The following PKHD1 variants were observed in gnomAD, a reference collection of about 807,000 sequenced individuals.
The protein encoded by PKHD1 is PKHD1 ciliary IPT domain containing fibrocystin/polyductin.
Under a neutral mutation model 412.0 loss-of-function variants are expected in PKHD1, and 291 were observed. The ratio of observed to expected loss-of-function variants is 0.71; its 90% CI spans 0.64 to 0.78. PKHD1 has a LOEUF of 0.78. PKHD1 is among the 30% of genes least tolerant of loss of function. The pLI is 0.00. For synonymous variants in PKHD1, 1,777 were observed against 1,821.5 expected, an observed-to-expected ratio of 0.98 and a Z score of 0.62; for missense variants, 4,825 against 4,950.7, an observed-to-expected ratio of 0.97 and a Z score of 0.76.
At position 52,071,026 on chromosome 6, in the gene PKHD1, T is replaced by C. The variant is rs764588177; in HGVS notation, c.647A>G (p.His216Arg). ...EDHGLGTLQC[H>R]VEGDYIGSQN... ...CAGACCGATGTAGTCGCCTTCCACA[T>C]GGCACTGCAGAGTCCCAAGACCATG... Residue 216 changes from histidine (H) to arginine (R), a missense_variant, in exon 9 of 67, where the codon CAT becomes CGT. Transcript: ENST00000371117. 6.2e-7 allele frequency: 1 copy of C among 1,604,612 alleles called. No individual in the cohort carries two copies.
intron 52 of PKHD1, among the ~76,000 whole-genome samples, chr6:51,801,639 T>TTGTGTGTGTG (rs140197286): frequency 1.5e-4 from 18 of 120,206 alleles, no homozygotes; most frequent in Admixed American, 5.8e-4. Context: ...GCTGGCCTGA[T>TTGTGTGTGTG]TGTGTGTGTG....
intron 35 of PKHD1, among the ~76,000 whole-genome samples, chr6:51,982,252 G>A (rs1264147143): frequency 6.8e-5 from 3 of 44,418 alleles, no homozygotes; most frequent in Non-Finnish European, 1.9e-4. Flanking sequence ...CTGCCCAGCC[G>A]CCCCTACTGG....
rs139192604 is a variant in PKHD1 at position 51,931,128 on chromosome 6, G to C, written c.6121+2982C>G. Among the ~76,000 whole-genome samples, 26 of 152,224 alleles carry C rather than the reference G, an allele frequency of 1.7e-4. 1 individual carries two copies. Among genetic ancestry groups the C allele is most frequent in the Non-Finnish European group, 2.9e-4 (20 of 68,010 alleles). On this transcript the variant is annotated intron_variant, in intron 37 of 66. Coordinates refer to ENST00000371117, the MANE Select transcript of PKHD1 (RefSeq NM_138694.4). The stretch of plus-strand genomic sequence containing the variant: ...CTGGGCCCATTTCTGATTCCAATTT[G>C]ATTAACCACTTGAACCAGTGTTTCT...
intron 28 of PKHD1, 41 bp downstream of exon 28, chr6:52,035,550 A>G: frequency 6.3e-7 from 1 of 1,584,728 alleles, no homozygotes; most frequent in Non-Finnish European, 8.7e-7. Flanking sequence ...AACAGTGGTC[A>G]CTCACCCAGA....
chr6:51,958,597 C>G (rs1791521191), intron 36 of PKHD1, among the ~76,000 whole-genome samples: 1 of 152,066 alleles, frequency 6.6e-6, no homozygotes, highest in African/African-American at 2.4e-5. Context: ...AAACTTCTCC[C>G]AAATGGTAGT....
At chr6:51,909,520 T>C in intron 39 of PKHD1, 46 bp from the exon 40 acceptor site, 1 of 1,455,998 alleles carries the variant, frequency 6.9e-7, no homozygotes, top group Non-Finnish European at 9.6e-7. Flanking sequence ...ATGTAGAACA[T>C]GCTTCCAGAC....
At chr6:51,912,036 A>C in intron 38 of PKHD1, 80 bp from the exon 39 acceptor site, 1 of 1,110,236 alleles carries the variant, frequency 9.0e-7, no homozygotes, top group Non-Finnish European at 1.3e-6. Context: ...AGATTAACAT[A>C]ATTCTTCCTT....
intron 66 of PKHD1, among the ~76,000 whole-genome samples, chr6:51,626,676 G>A (rs1202326885): frequency 6.6e-6 from 1 of 152,164 alleles, no homozygotes; most frequent in Non-Finnish European, 1.5e-5. Flanking sequence ...CAAATTGGCA[G>A]CTTTGCAATA....
intron 36 of PKHD1, among the ~76,000 whole-genome samples, chr6:51,949,698 C>A (rs1002828148): frequency 1.3e-5 from 2 of 152,130 alleles, no homozygotes; most frequent in Non-Finnish European, 2.9e-5. Flanking sequence ...ATAATCCTAT[C>A]CACTAGCAGC....
At chr6:51,767,199 TCATATTAGAGG>T (rs373525451) in intron 55 of PKHD1, among the ~76,000 whole-genome samples, 335 of 152,136 alleles carry the variant, frequency 2.2e-3, no homozygotes, top group Middle Eastern at 6.8e-3. Flanking sequence ...AACAGATTAC[TCATATTAGAGG>T]CATACATTTA....
intron 53 of PKHD1, among the ~76,000 whole-genome samples, chr6:51,785,927 T>C (rs1642456367): frequency 6.6e-6 from 1 of 152,228 alleles, no homozygotes; most frequent in African/African-American, 2.4e-5. Context: ...CTTAGATCTT[T>C]CACTGAAATC....
At chr6:51,932,403 C>T (rs1017022884) in intron 37 of PKHD1, among the ~76,000 whole-genome samples, 1 of 152,190 alleles carries the variant, frequency 6.6e-6, no homozygotes, top group African/African-American at 2.4e-5. Context: ...GCTGTGCTAT[C>T]TGCATCATAC....
At position 51,981,369 on chromosome 6, in the gene PKHD1, C is replaced by A. The variant is rs1231257732; in HGVS notation, c.5752-21343G>T. Among the ~76,000 whole-genome samples, 84 of 120,582 alleles carry A rather than the reference C, an allele frequency of 7.0e-4. 2 individuals are homozygous for A. Among genetic ancestry groups the A allele is most frequent in the African/African-American group, 2.4e-3 (81 of 34,450 alleles). The allele number at this position is 120,582 out of a possible 152,430, so 79.1% of individuals were successfully genotyped here. ...TCCCTCTCCCTCTCCCTCTCCCTCT[C>A]CCTCCACGGTCTCCCTCTGATGCCG... On this transcript the variant is annotated intron_variant, in intron 35 of 66. Coordinates refer to ENST00000371117, the MANE Select transcript of PKHD1 (RefSeq NM_138694.4).
rs749387700 is a variant in PKHD1 at position 51,912,588 on chromosome 6, C to T, written c.6122-12G>A. The T allele has an allele frequency of 1.3e-6, 2 of 1,577,360 alleles. No individual in the cohort carries two copies. Among genetic ancestry groups the T allele is most frequent in the African/African-American group, 1.3e-5 (1 of 74,118 alleles). ...TTCTGGTAGTGAACCTAAAGCAGCCCGAGGAAAAGTTGTCCAGATAATTTA... is the reference window on the plus strand; with the variant it reads ...TTCTGGTAGTGAACCTAAAGCAGCCTGAGGAAAAGTTGTCCAGATAATTTA... On this transcript the variant is annotated splice_polypyrimidine_tract_variant and intron_variant, in intron 37 of 66. Transcript: ENST00000371117.
intron 63 of PKHD1, among the ~76,000 whole-genome samples, chr6:51,641,917 G>A (rs1255931569): frequency 6.6e-6 from 1 of 152,104 alleles, no homozygotes; most frequent in Non-Finnish European, 1.5e-5. Flanking sequence ...CAAGGGGAGG[G>A]ATAGCATTAG....
At position 51,929,029 on chromosome 6, in the gene PKHD1, G is replaced by A. The variant is rs1326223057; in HGVS notation, c.6121+5081C>T. On this transcript the variant is annotated intron_variant, in intron 37 of 66. Transcript: ENST00000371117. ...TGGTTTGTATCTAGCTCAAGGGAAC[G>A]AGAGACAGAAGAAAAGGGAGGAGTC... Among the ~76,000 whole-genome samples, 4 of 152,134 alleles carry A rather than the reference G, an allele frequency of 2.6e-5. No homozygotes were observed. The East Asian group carries it at 5.8e-4, about 22-fold the overall frequency.
intron 60 of PKHD1, among the ~76,000 whole-genome samples, chr6:51,733,508 G>A (rs1284168018): frequency 6.9e-6 from 1 of 145,178 alleles, no homozygotes; most frequent in Non-Finnish European, 1.5e-5. Flanking sequence ...CTGCACTCCA[G>A]CCTGAGGACA....
intron 66 of PKHD1, chr6:51,622,985 G>A (rs1160833000): frequency 2.0e-5 from 3 of 151,770 alleles, no homozygotes; most frequent in Non-Finnish European, 4.4e-5. Flanking sequence ...TTCCACTAAT[G>A]TGCCCATATA....
intron 43 of PKHD1, among the ~76,000 whole-genome samples, chr6:51,891,655 C>T (rs1054364861): frequency 1.3e-5 from 2 of 151,544 alleles, no homozygotes. Context: ...GCACCCCCAA[C>T]AGGAGAAGAA....
Sources: gnomAD v4.1 joint callset for allele counts (sites outside exome capture counted in the v4.1 genomes callset) on GRCh38, gnomAD v4.1.1 for gene constraint, MANE v1.5 for transcripts, NCBI Gene and HGNC (gene_info 2026-07-23, HGNC 2026-07-21) for gene names.